HECW1: variants seen among roughly 807,000 people sequenced by gnomAD.
The protein encoded by HECW1 is E3 ubiquitin-protein ligase HECW1.
A neutral mutation model predicts 182.3 loss-of-function variants in HECW1; 61 were observed. That is an observed-to-expected ratio of 0.33 (90% CI 0.27 to 0.41). The LOEUF is 0.41. Ranked by LOEUF, HECW1 falls within the 10% of genes least tolerant of loss-of-function variation. HECW1 has a pLI of 1.00. For missense variants in HECW1, 1,739 were observed against 2,108.9 expected, an observed-to-expected ratio of 0.82 and a Z score of 3.44; for synonymous variants, 859 against 832.6, an observed-to-expected ratio of 1.03 and a Z score of -0.55.
intron 26 of HECW1, among the ~76,000 whole-genome samples, chr7:43,550,213 A>T (rs973552324): frequency 2.6e-5 from 4 of 152,180 alleles, no homozygotes; most frequent in Non-Finnish European, 5.9e-5. Context: ...ATTTGCCCCC[A>T]GGAATGCAGG....
Position 43,444,572 on chromosome 7 carries a change from A to G in HECW1, c.1400A>G (p.Glu467Gly). 1 of 1,611,028 alleles carries G rather than the reference A, an allele frequency of 6.2e-7. No homozygotes were observed. The highest frequency in any genetic ancestry group is 8.5e-7 in the Non-Finnish European group (1 of 1,178,874). The change falls in exon 11 of 30, where the codon GAG (glutamate) becomes GGG (glycine). Residue 467 changes from glutamate to glycine, a missense_variant. Coordinates refer to ENST00000395891, the MANE Select transcript of HECW1 (RefSeq NM_015052.5). The surrounding 1 kb of genome is among the most constrained non-coding windows in gnomAD (Gnocchi z 4.3). Reference protein sequence around the residue: ...ELAEQLDLGEEASALLLEDGE... With the variant: ...ELAEQLDLGEGASALLLEDGE... ...GCCGAGCAGCTGGACCTGGGTGAGG[A>G]GGCATCAGCACTGCTGCTGGAAGAC...
intron 11 of HECW1, among the ~76,000 whole-genome samples, chr7:43,447,521 C>T (rs574872440): frequency 1.3e-5 from 2 of 152,110 alleles, no homozygotes; most frequent in African/African-American, 2.4e-5. Flanking sequence ...TTCACTATGG[C>T]GATCACAAGG....
chr7:43,340,758 T>C (rs112448326), intron 5 of HECW1, among the ~76,000 whole-genome samples: 1,750 of 151,794 alleles, frequency 0.012, 96 homozygotes, highest in African/African-American at 0.037. Flanking sequence ...TGGCGATTCC[T>C]CAAGGATCTA....
At chr7:43,361,676 T>A (rs1815928930) in intron 6 of HECW1, among the ~76,000 whole-genome samples, 1 of 152,188 alleles carries the variant, frequency 6.6e-6, no homozygotes, top group Admixed American at 6.5e-5. Flanking sequence ...TAGTTCTTAA[T>A]GCATCTGATT....
chr7:43,349,095 C>A (rs867450063), intron 5 of HECW1, among the ~76,000 whole-genome samples: 2 of 152,100 alleles, frequency 1.3e-5, no homozygotes, highest in African/African-American at 4.8e-5. Context: ...AATGCAATGG[C>A]GCACTCTCGG....
intron 8 of HECW1, among the ~76,000 whole-genome samples, chr7:43,417,740 T>A (rs562774232): frequency 3.9e-4 from 59 of 152,324 alleles, no homozygotes; most frequent in African/African-American, 1.3e-3. Context: ...ATGGTCTCCA[T>A]AGTTTCCAAT....
chr7:43,449,216 A>G (rs1165635920), intron 11 of HECW1, among the ~76,000 whole-genome samples: 3 of 152,234 alleles, frequency 2.0e-5, no homozygotes, highest in Non-Finnish European at 4.4e-5. Flanking sequence ...TCTGACACTA[A>G]ACATGTATAC....
In HECW1 at chr7:43,428,404, G is replaced by A. The variant is rs539014200; in HGVS notation, c.802-9599G>A. Among the ~76,000 whole-genome samples, 11 of 152,266 alleles carry A rather than the reference G, an allele frequency of 7.2e-5. No homozygotes were observed. In the South Asian group the frequency reaches 2.1e-3, roughly 29 times the overall value. ...TATCAATGTGCTCAGTTCACATCAC[G>A]TGTGGTTTCTGTGTACCAAGCTTTT... On this transcript the variant is annotated intron_variant, in intron 8 of 29. Transcript: ENST00000395891.
At chr7:43,542,391 A>T (rs893464340) in intron 26 of HECW1, among the ~76,000 whole-genome samples, 4 of 151,964 alleles carry the variant, frequency 2.6e-5, no homozygotes, top group Non-Finnish European at 5.9e-5. Context: ...TTAAGACTAA[A>T]TAATATTTCA....
At chr7:43,337,372 T>C (rs890581452) in intron 5 of HECW1, among the ~76,000 whole-genome samples, 2 of 152,212 alleles carry the variant, frequency 1.3e-5, no homozygotes, top group Non-Finnish European at 2.9e-5. Flanking sequence ...CAGTTTTTAA[T>C]GTGGTTGTTT....
intron 2 of HECW1, among the ~76,000 whole-genome samples, chr7:43,226,804 C>G (rs1428725258): frequency 6.6e-6 from 1 of 152,172 alleles, no homozygotes; most frequent in Admixed American, 6.5e-5. Flanking sequence ...TGGCGTCTCC[C>G]GCACATGGGC....
intron 2 of HECW1, among the ~76,000 whole-genome samples, chr7:43,226,804 C>T (rs1428725258): frequency 2.0e-5 from 3 of 152,172 alleles, no homozygotes; most frequent in East Asian, 1.9e-4. Flanking sequence ...TGGCGTCTCC[C>T]GCACATGGGC....
At chr7:43,429,943 C>G (rs992809788) in intron 8 of HECW1, among the ~76,000 whole-genome samples, 3 of 152,210 alleles carry the variant, frequency 2.0e-5, no homozygotes. Flanking sequence ...TAACCTTCCT[C>G]CACATCATGA....
chr7:43,565,591 A>T lies in HECW1; in HGVS notation c.*3665A>T, dbSNP rs1164132096. ...TATTATTATTATTATTTTTATTATT[A>T]TTATTATTACGTACTTCAGTGTTCA... On this transcript the variant is annotated 3_prime_UTR_variant, in exon 30 of 30. Coordinates refer to ENST00000395891, the MANE Select transcript of HECW1 (RefSeq NM_015052.5). 5 of 167,746 alleles carry T rather than the reference A, an allele frequency of 3.0e-5. No homozygotes were observed. Among genetic ancestry groups the T allele is most frequent in the African/African-American group, 9.6e-5 (4 of 41,518 alleles). 10.4% of individuals were successfully genotyped at this position (167,746 alleles called of 1,614,324 possible). A position where few individuals can be genotyped will look rare whatever the true frequency, so the allele number is the denominator to read the frequency against.
intron 6 of HECW1, among the ~76,000 whole-genome samples, chr7:43,385,839 T>A (rs1256941943): frequency 6.6e-6 from 1 of 152,228 alleles, no homozygotes; most frequent in Non-Finnish European, 1.5e-5. Context: ...CAAAGTTAGC[T>A]CGTGGGTCTA....
intron 22 of HECW1, 139 bp from the exon 23 acceptor site, chr7:43,507,879 G>A (rs537423222): frequency 7.2e-5 from 43 of 600,562 alleles, no homozygotes; most frequent in Admixed American, 6.8e-4. Flanking sequence ...ATGAACTGAC[G>A]GAACCTGGGT....
At position 43,563,186 on chromosome 7, in the gene HECW1, G is replaced by T. The variant is rs954684019; in HGVS notation, c.*1260G>T. 8 of 203,350 alleles carry T rather than the reference G, an allele frequency of 3.9e-5. No homozygotes were observed. The highest frequency in any genetic ancestry group is 7.6e-5 in the East Asian group (1 of 13,244). The allele number at this position is 203,350 out of a possible 1,614,324, so 12.6% of individuals were successfully genotyped here. A position where few individuals can be genotyped will look rare whatever the true frequency, so the allele number is the denominator to read the frequency against. On this transcript the variant is annotated 3_prime_UTR_variant, in exon 30 of 30. Coordinates refer to ENST00000395891, the MANE Select transcript of HECW1 (RefSeq NM_015052.5). ...GGGGCAGAAACATAACACCCCAAAG[G>T]CACGTTGATTTGTATCAAAATAAAT...
At chr7:43,349,565 T>C (rs1027444198) in intron 5 of HECW1, among the ~76,000 whole-genome samples, 29 of 152,198 alleles carry the variant, frequency 1.9e-4, no homozygotes, top group African/African-American at 6.8e-4. Flanking sequence ...ATGTTTAGGA[T>C]TGTGATATTT....
chr7:43,542,614 C>T (rs80059351), intron 26 of HECW1, among the ~76,000 whole-genome samples: 3,161 of 152,028 alleles, frequency 0.021, 99 homozygotes, highest in African/African-American at 0.071. Context: ...GGTTTTTCCA[C>T]CTTTTGGCTA....
Sources: allele counts gnomAD v4.1 joint callset (sites outside exome capture counted in the v4.1 genomes callset), GRCh38; gene constraint gnomAD v4.1.1; non-coding constraint Gnocchi (gnomAD v3.1); transcripts MANE v1.5; gene names NCBI Gene and HGNC (gene_info 2026-07-23, HGNC 2026-07-21).